The following NFATC3 variants were observed in gnomAD, a reference collection of about 807,000 sequenced individuals.
The protein encoded by NFATC3 is nuclear factor of activated T cells 3.
Under a neutral mutation model 98.6 loss-of-function variants are expected in NFATC3, and 46 were observed. That is an observed-to-expected ratio of 0.47 (90% CI 0.37 to 0.60). NFATC3 has a LOEUF of 0.60. NFATC3 is among the 20% of genes least tolerant of loss of function. The pLI is 0.00. For missense variants in NFATC3, 1,256 were observed against 1,295.5 expected (o/e 0.97, Z 0.47); for synonymous variants, 512 against 472.2 (o/e 1.08, Z -1.09).
chr16:68,164,349 C>T (rs1349962482), intron 4 of NFATC3, among the ~76,000 whole-genome samples: 5 of 152,198 alleles, frequency 3.3e-5, no homozygotes, highest in Non-Finnish European at 5.9e-5. Context: ...CAGTACAGTC[C>T]AGCTTCGGCT....
At chr16:68,103,616 C>G (rs533176580) in intron 1 of NFATC3, among the ~76,000 whole-genome samples, 2 of 152,266 alleles carry the variant, frequency 1.3e-5, no homozygotes, top group East Asian at 3.9e-4. Flanking sequence ...GAATCCATCG[C>G]CAAATCTGAA....
At chr16:68,090,013 A>G (rs59708959) in intron 1 of NFATC3, among the ~76,000 whole-genome samples, 1 of 152,022 alleles carries the variant, frequency 6.6e-6, no homozygotes, top group Non-Finnish European at 1.5e-5. Flanking sequence ...TTTTCAGATA[A>G]TCCTTTAATA....
At position 68,226,437 on chromosome 16, in the gene NFATC3, A is replaced by G. The variant is rs2042040014; in HGVS notation, c.3194A>G (p.Glu1065Gly). ...VSRQAPLPSP[E>G]SLDLGRSDGL The stretch of plus-strand genomic sequence containing the variant: ...AGGCAGGCTCCCCTCCCGAGTCCTG[A>G]GTCCCTGGATTTAGGAAGATCTGAT... Residue 1065 changes from glutamate (E) to glycine (G), a missense_variant, in exon 10 of 10, where the codon GAG becomes GGG. This residue lies in a region of NFATC3 where 636 missense variants were observed against 617.3 expected (regional missense o/e 1.03). Coordinates refer to ENST00000346183, the MANE Select transcript of NFATC3 (RefSeq NM_173165.3). 5 of 1,564,412 alleles carry G rather than the reference A, an allele frequency of 3.2e-6. No homozygotes were observed. Among genetic ancestry groups the G allele is most frequent in the Admixed American group, 2.0e-5 (1 of 49,506 alleles).
At chr16:68,211,013 ACCTCGTGATC>A in intron 9 of NFATC3, among the ~76,000 whole-genome samples, 1 of 151,938 alleles carries the variant, frequency 6.6e-6, no homozygotes, top group East Asian at 1.9e-4. Context: ...CGAACTCCTG[ACCTCGTGATC>A]CACCCACCTT....
At position 68,122,802 on chromosome 16, in the gene NFATC3, G is replaced by T; in HGVS notation, c.919G>T (p.Glu307Ter). ...TCACTCCCCCAGGGGAAGTGTGACA[G>T]AAGATACGTGGCTCAATGCTTCTGT... is the stretch of plus-strand genomic sequence containing the variant. ...PGHSPRGSVT[E>*]DTWLNASVHG... The change falls in exon 2 of 10, where the codon GAA (glutamate) becomes TAA (stop). Residue 307 changes from glutamate (E) to a stop codon, truncating the protein, a stop_gained. Transcript: ENST00000346183. LOFTEE classifies it high-confidence loss of function. The T allele has an allele frequency of 6.2e-7, 1 of 1,614,268 alleles. No individual in the cohort carries two copies. Among genetic ancestry groups the T allele is most frequent in the Non-Finnish European group, 8.5e-7 (1 of 1,180,054 alleles).
chr16:68,220,501 A>C (rs12444313), intron 9 of NFATC3, among the ~76,000 whole-genome samples: 16,396 of 151,996 alleles, frequency 0.11, 988 homozygotes, highest in South Asian at 0.19. Flanking sequence ...ATTGTACATT[A>C]GGGGCATAAA....
intron 6 of NFATC3, among the ~76,000 whole-genome samples, chr16:68,179,198 C>A (rs1227215387): frequency 6.6e-6 from 1 of 152,158 alleles, no homozygotes; most frequent in South Asian, 2.1e-4. Context: ...CTCTCACTAC[C>A]CCTCCCCAAG....
chr16:68,118,190 T>C (rs1360587349), intron 1 of NFATC3, among the ~76,000 whole-genome samples: 2 of 152,202 alleles, frequency 1.3e-5, no homozygotes, highest in African/African-American at 4.8e-5. Context: ...TTCCTATTTA[T>C]CTTTCAGGTT....
In NFATC3 at chr16:68,126,682, G is replaced by A. The variant is rs185637411; in HGVS notation, c.1401+72G>A. 172 of 1,478,586 alleles carry A rather than the reference G, an allele frequency of 1.2e-4. 1 individual carries two copies. The African/African-American group carries it at 2.0e-3, about 18-fold the overall frequency. 91.6% of individuals were successfully genotyped at this position (1,478,586 alleles called of 1,614,324 possible). On this transcript the variant is annotated intron_variant, in intron 3 of 9. Coordinates refer to ENST00000346183, the MANE Select transcript of NFATC3 (RefSeq NM_173165.3). ...ATGATTAGACAAGTCTATTCAGTTAGGTACTAGAGAGTGCAAAGAGCATAA... is the reference window on the plus strand; with the variant it reads ...ATGATTAGACAAGTCTATTCAGTTAAGTACTAGAGAGTGCAAAGAGCATAA...
At chr16:68,105,157 C>T (rs1236211016) in intron 1 of NFATC3, among the ~76,000 whole-genome samples, 1 of 143,086 alleles carries the variant, frequency 7.0e-6, no homozygotes, top group East Asian at 2.1e-4. Context: ...CTGGTATGAT[C>T]TTGGCTTACT....
chr16:68,134,027 A>C (rs1254460026), intron 3 of NFATC3, among the ~76,000 whole-genome samples: 1 of 152,132 alleles, frequency 6.6e-6, no homozygotes, highest in African/African-American at 2.4e-5. Flanking sequence ...ATTCCTCCAC[A>C]TTGTCACCAA....
chr16:68,216,720 A>G (rs1185049162), intron 9 of NFATC3, among the ~76,000 whole-genome samples: 2 of 152,034 alleles, frequency 1.3e-5, no homozygotes, highest in Non-Finnish European at 2.9e-5. Context: ...TTTAGTAGAG[A>G]TGGGATTTCA....
chr16:68,183,975 C>T (rs1020033192), intron 8 of NFATC3, among the ~76,000 whole-genome samples: 1 of 133,810 alleles, frequency 7.5e-6, no homozygotes, highest in Non-Finnish European at 1.5e-5. Context: ...CATTGCACTC[C>T]AGCCTGGGAA....
chr16:68,109,294 A>G (rs182274211), intron 1 of NFATC3, among the ~76,000 whole-genome samples: 1 of 152,248 alleles, frequency 6.6e-6, no homozygotes, highest in Admixed American at 6.5e-5. Flanking sequence ...GTGATGTTGA[A>G]TTTTATCGAA....
chr16:68,123,107 C>G lies in NFATC3; in HGVS notation c.1224C>G (p.His408Gln), dbSNP rs2036634674. The change falls in exon 2 of 10, where the codon CAC becomes CAG. Residue 408 changes from histidine (H) to glutamine (Q), a missense_variant. His to Gln is a conservative substitution (Grantham distance 24). Coordinates refer to ENST00000346183, the MANE Select transcript of NFATC3 (RefSeq NM_173165.3). ...PFTWSKPKPG[H>Q]TPIFRTSSLP... Reference sequence around the variant, plus strand: ...CCTGGAGCAAACCAAAGCCTGGCCACACCCCTATATTTCGGTGAGTTGATG... The same window carrying G: ...CCTGGAGCAAACCAAAGCCTGGCCAGACCCCTATATTTCGGTGAGTTGATG... The G allele has an allele frequency of 6.2e-7, 1 of 1,600,386 alleles. No homozygotes were observed. The highest frequency in any genetic ancestry group is 8.5e-7 in the Non-Finnish European group (1 of 1,178,934).
In NFATC3 at chr16:68,127,172, C is replaced by T. The variant is rs941771960; in HGVS notation, c.1401+562C>T. Reference sequence around the variant, plus strand: ...AGGTTGCAGTGAGCCAAGATCGTGTCGCTGCACTCCAGCCTGGGTGACAGA... The same window carrying T: ...AGGTTGCAGTGAGCCAAGATCGTGTTGCTGCACTCCAGCCTGGGTGACAGA... On this transcript the variant is annotated intron_variant, in intron 3 of 9. Coordinates refer to ENST00000346183, the MANE Select transcript of NFATC3 (RefSeq NM_173165.3). Among the ~76,000 whole-genome samples the T allele has an allele frequency of 5.9e-5, 9 of 152,224 alleles. No homozygotes were observed. In the East Asian group the frequency reaches 1.7e-3, roughly 29 times the overall value.
intron 3 of NFATC3, among the ~76,000 whole-genome samples, chr16:68,152,034 A>G (rs992428898): frequency 7.2e-6 from 1 of 138,626 alleles, no homozygotes; most frequent in African/African-American, 2.8e-5. Flanking sequence ...GCGCCACTGC[A>G]CTCTAACCTA....
At chr16:68,212,462 C>CT (rs2041448236) in intron 9 of NFATC3, 1 of 152,102 alleles carries the variant, frequency 6.6e-6, no homozygotes, top group African/African-American at 2.4e-5. Context: ...AGAATAATTC[C>CT]TTATAGGCAA....
chr16:68,185,001 A>ATTT (rs1567538810), intron 8 of NFATC3, among the ~76,000 whole-genome samples: 4 of 149,466 alleles, frequency 2.7e-5, no homozygotes, highest in African/African-American at 7.4e-5. Flanking sequence ...TTTTTTTTTG[A>ATTT]GAGAGAGTCT....
Sources: allele counts gnomAD v4.1 joint callset (sites outside exome capture counted in the v4.1 genomes callset), GRCh38; gene constraint gnomAD v4.1.1; regional missense constraint gnomAD v4.1.1; transcripts MANE v1.5; gene names NCBI Gene and HGNC (gene_info 2026-07-23, HGNC 2026-07-21).